Variants in ACOT11 observed in about 807,000 individuals in gnomAD.
The protein encoded by ACOT11 is acyl-CoA thioesterase 11.
A neutral mutation model predicts 77.5 loss-of-function variants in ACOT11; 69 were observed. That is an observed-to-expected ratio of 0.89 (90% CI 0.73 to 1.09). The LOEUF (loss-of-function observed/expected upper bound fraction) is 1.09, where lower values mean the gene tolerates loss of function less well. Among genes scored for constraint, ACOT11 ranks in the 50% least tolerant of loss-of-function variants. The pLI, the probability that ACOT11 is intolerant of heterozygous loss-of-function variation, is 0.00. For missense variants in ACOT11, 766 were observed against 813.7 expected (o/e 0.94, Z 0.71); for synonymous variants, 279 against 313.0 (o/e 0.89, Z 1.15).
intron 1 of ACOT11, among the ~76,000 whole-genome samples, chr1:54,556,614 C>T (rs1653267487): frequency 6.6e-6 from 1 of 151,428 alleles, no homozygotes; most frequent in Non-Finnish European, 1.5e-5. Flanking sequence ...CAGAGTCTCA[C>T]TGTGTAGCCC....
At chr1:54,604,080 C>T in intron 11 of ACOT11, 143 bp downstream of exon 11, 4 of 811,684 alleles carry the variant, frequency 4.9e-6, no homozygotes, top group Non-Finnish European at 8.0e-6. Flanking sequence ...TAGCAAAGAG[C>T]TGGCCTGCGT....
At chr1:54,591,499 G>C (rs1654709687) in intron 3 of ACOT11, among the ~76,000 whole-genome samples, 1 of 152,226 alleles carries the variant, frequency 6.6e-6, no homozygotes, top group Non-Finnish European at 1.5e-5. Flanking sequence ...TTGGCCAGAA[G>C]ACTGTGTCAT....
rs530390075 is a variant in ACOT11 at position 54,601,087 on chromosome 1, G to A, written c.885-182G>A. 4.6e-3 allele frequency among the ~76,000 whole-genome samples: 695 copies of A among 151,546 alleles called. 3 individuals carry two copies. Among genetic ancestry groups the A allele is most frequent in the African/African-American group, 0.016 (664 of 41,136 alleles). On this transcript the variant is annotated intron_variant, in intron 8 of 15. Transcript: ENST00000343744. ...CAGGAGTGTATGTGAGTGTGTGTGT[G>A]CATACATGTGTGTGTATGTGTGTGC...
chr1:54,585,821 TCTG>T lies in ACOT11; in HGVS notation c.242-10_242-8del. The T allele has an allele frequency of 6.2e-7, 1 of 1,613,912 alleles. No individual in the cohort carries two copies. The highest frequency in any genetic ancestry group is 8.5e-7 in the Non-Finnish European group (1 of 1,179,920). On this transcript the variant is annotated splice_polypyrimidine_tract_variant and intron_variant, in intron 2 of 15. Coordinates refer to ENST00000343744, the MANE Select transcript of ACOT11 (RefSeq NM_147161.4). ...GGAGGCTGCTAATGTCTGGCTTTCT[TCTG>T]CTGACACCAGCGGAGAGGCACGCTG...
At chr1:54,605,382 G>A (rs969139694) in intron 13 of ACOT11, among the ~76,000 whole-genome samples, 173 bp downstream of exon 13, 1 of 152,110 alleles carries the variant, frequency 6.6e-6, no homozygotes, top group African/African-American at 2.4e-5. Context: ...AGCCCTTAGG[G>A]AAGAGACTGA....
At chr1:54,562,351 TG>T (rs1159243947) in intron 1 of ACOT11, among the ~76,000 whole-genome samples, 7 of 79,776 alleles carry the variant, frequency 8.8e-5, no homozygotes, top group Non-Finnish European at 1.2e-4. Flanking sequence ...ACGGGGTGGC[TG>T]GCCGGGCTGA....
At position 54,606,797 on chromosome 1, in the gene ACOT11, C is replaced by T. The variant is rs1569766339; in HGVS notation, c.1371-337C>T. ...GCACCTGCGCAGACATGTATAGACA[C>T]ACGTGGGTCTCTGTGTACACTGATG... is the stretch of plus-strand genomic sequence containing the variant. On this transcript the variant is annotated intron_variant, in intron 13 of 15. Coordinates refer to ENST00000343744, the MANE Select transcript of ACOT11 (RefSeq NM_147161.4). Among the ~76,000 whole-genome samples the T allele has an allele frequency of 2.6e-5, 4 of 152,390 alleles. 1 individual carries two copies. Among genetic ancestry groups the T allele is most frequent in the Admixed American group, 2.6e-4 (4 of 15,310 alleles).
chr1:54,574,029 CAAA>C (rs368096166), intron 1 of ACOT11, among the ~76,000 whole-genome samples: 10 of 87,340 alleles, frequency 1.1e-4, no homozygotes, highest in African/African-American at 7.9e-5. Context: ...AACTCCATCT[CAAA>C]AAAAAAAAAA....
At chr1:54,630,304 C>A (rs1362641043) in intron 15 of ACOT11, among the ~76,000 whole-genome samples, 1 of 152,198 alleles carries the variant, frequency 6.6e-6, no homozygotes, top group African/African-American at 2.4e-5. Flanking sequence ...GCAAGCCCCC[C>A]ACAGTCTGGC....
chr1:54,556,574 T>C (rs1262253599), intron 1 of ACOT11, among the ~76,000 whole-genome samples: 1 of 151,884 alleles, frequency 6.6e-6, no homozygotes, highest in Admixed American at 6.6e-5. Flanking sequence ...TGATTTATAG[T>C]TTTCATTGTA....
intron 16 of ACOT11, among the ~76,000 whole-genome samples, chr1:54,633,387 A>G (rs1332721984): frequency 1.3e-5 from 2 of 152,260 alleles, no homozygotes; most frequent in Admixed American, 1.3e-4. Context: ...CCATCAGTTC[A>G]GTTATACAAC....
At position 54,618,058 on chromosome 1, in the gene ACOT11, G is replaced by T. The variant is rs551527653; in HGVS notation, c.1629+9990G>T. Among the ~76,000 whole-genome samples, 213 of 151,674 alleles carry T rather than the reference G, an allele frequency of 1.4e-3. 2 individuals are homozygous for T. The highest frequency in any genetic ancestry group is 4.9e-3 in the African/African-American group (204 of 41,378). ...TCTGCATTTTTAACACACTCCCCAG[G>T]GATGCGCCTGCTGCTGGTCCATGGG... On this transcript the variant is annotated intron_variant, in intron 15 of 16. Transcript: ENST00000371316.
intron 13 of ACOT11, among the ~76,000 whole-genome samples, chr1:54,605,533 G>A (rs1400469566): frequency 6.6e-6 from 1 of 152,084 alleles, no homozygotes; most frequent in African/African-American, 2.4e-5. Flanking sequence ...GGCGGGTCAT[G>A]GATTCACACT....
At chr1:54,581,447 G>A (rs1361514459) in intron 1 of ACOT11, among the ~76,000 whole-genome samples, 1 of 152,130 alleles carries the variant, frequency 6.6e-6, no homozygotes, top group African/African-American at 2.4e-5. Context: ...TTCCCTCTGT[G>A]CCTTAGTCCC....
downstream of ACOT11, chr1:54,612,564 C>A (rs780940355): frequency 6.2e-7 from 1 of 1,614,086 alleles, no homozygotes; most frequent in Non-Finnish European, 8.5e-7. Flanking sequence ...GAAGGTGACC[C>A]TCTGGGGCAC....
chr1:54,610,716 GTGACT>G, downstream of ACOT11: 4 of 979,968 alleles, frequency 4.1e-6, no homozygotes, highest in Non-Finnish European at 4.8e-6. Flanking sequence ...ACTAGAAGAA[GTGACT>G]TGCCCAAGGT....
chr1:54,637,499 TAGG>T (rs1328616022), exon 17 of ACOT11: 1 of 152,282 alleles, frequency 6.6e-6, no homozygotes, highest in Non-Finnish European at 1.5e-5. Context: ...AAAAGAGTTT[TAGG>T]CCAGGTGTGG....
At position 54,607,399 on chromosome 1, in the gene ACOT11, C is replaced by T; in HGVS notation, c.1502+134C>T. ...CCATTGGCTGTGGGGCCCCAGGCACCACTAGACTTTTCTGGGCTGCTGTGG... is the reference window on the plus strand; with the variant it reads ...CCATTGGCTGTGGGGCCCCAGGCACTACTAGACTTTTCTGGGCTGCTGTGG... On this transcript the variant is annotated intron_variant, in intron 14 of 15. Transcript: ENST00000343744. This position sits in a 1 kb window ranked among gnomAD's most constrained non-coding sequence, Gnocchi z 4.5. The T allele has an allele frequency of 7.6e-7, 1 of 1,323,458 alleles. No individual in the cohort carries two copies. The highest frequency in any genetic ancestry group is 2.1e-5 in the Admixed American group (1 of 47,102). 82.0% of individuals were successfully genotyped at this position (1,323,458 alleles called of 1,614,324 possible).
rs1644103280 is a variant in ACOT11 at position 54,610,299 on chromosome 1, T to C, written c.*1187T>C. ...CCTGCCCCACCTTGCATCCAGGGTA[T>C]GGTGTAAATAAACCTGTGTTGCCAT... On this transcript the variant is annotated 3_prime_UTR_variant, in exon 16 of 16. Coordinates refer to ENST00000343744, the MANE Select transcript of ACOT11 (RefSeq NM_147161.4). 4 of 1,527,684 alleles carry C rather than the reference T, an allele frequency of 2.6e-6. No homozygotes were observed. Among genetic ancestry groups the C allele is most frequent in the South Asian group, 1.3e-5 (1 of 77,596 alleles). The allele number at this position is 1,527,684 out of a possible 1,614,324, so 94.6% of individuals were successfully genotyped here. A position where few individuals can be genotyped will look rare whatever the true frequency, so the allele number is the denominator to read the frequency against.
Sources: allele counts gnomAD v4.1 joint callset (sites outside exome capture counted in the v4.1 genomes callset), GRCh38; gene constraint gnomAD v4.1.1; non-coding constraint Gnocchi (gnomAD v3.1); transcripts MANE v1.5; gene names NCBI Gene and HGNC (gene_info 2026-07-23, HGNC 2026-07-21).